The following LEPROTL1 variants were observed in gnomAD, a reference collection of about 807,000 sequenced individuals.
The protein encoded by LEPROTL1 is leptin receptor overlapping transcript-like 1.
Under a neutral mutation model 15.4 loss-of-function variants are expected in LEPROTL1, and 6 were observed. That is an observed-to-expected ratio of 0.39 (90% CI 0.21 to 0.77). The LOEUF is 0.77. Among genes scored for constraint, LEPROTL1 ranks in the 30% least tolerant of loss-of-function variants. The probability of loss-of-function intolerance (pLI) is 0.41; values close to 1 mark genes in which losing one functional copy is unlikely to be tolerated. For synonymous variants in LEPROTL1, 56 were observed against 52.6 expected, an observed-to-expected ratio of 1.06 and a Z score of -0.28; for missense variants, 128 against 158.1, an observed-to-expected ratio of 0.81 and a Z score of 1.02.
At chr8:30,133,788 C>CAA (rs11430475) in intron 4 of LEPROTL1, among the ~76,000 whole-genome samples, 11,514 of 122,488 alleles carry the variant, frequency 0.094, 671 homozygotes, top group East Asian at 0.24. Flanking sequence ...GACCCTGTCT[C>CAA]AAAAAAAAAA....
Position 30,107,233 on chromosome 8 carries a change from A to C in LEPROTL1, c.*1371A>C. ...AGTCCAGCTATATAGCAGCTTCAGA[A>C]ACATACCTGACCAAAAAATTCCCAG... On this transcript the variant is annotated 3_prime_UTR_variant, in exon 4 of 4. Transcript: ENST00000321250. The C allele has an allele frequency of 1.0e-6, 1 of 985,460 alleles. No homozygotes were observed. The highest frequency in any genetic ancestry group is 1.2e-6 in the Non-Finnish European group (1 of 829,936). The allele number at this position is 985,460 out of a possible 1,614,324, so 61.0% of individuals were successfully genotyped here. A position where few individuals can be genotyped will look rare whatever the true frequency, so the allele number is the denominator to read the frequency against.
At chr8:30,132,816 T>A in intron 4 of LEPROTL1, 1 of 1,551,774 alleles carries the variant, frequency 6.4e-7, no homozygotes, top group Non-Finnish European at 8.7e-7. Flanking sequence ...AGCCTCCAGA[T>A]GCTGCCTTCA....
chr8:30,117,728 C>A, intron 3 of LEPROTL1: 1 of 1,126,262 alleles, frequency 8.9e-7, no homozygotes, highest in Non-Finnish European at 1.3e-6. Flanking sequence ...CCTCTCTTTT[C>A]GGCATTGTTG....
chr8:30,123,299 A>G (rs1166429663), intron 3 of LEPROTL1, among the ~76,000 whole-genome samples: 2 of 152,200 alleles, frequency 1.3e-5, no homozygotes, highest in Admixed American at 1.3e-4. Context: ...ATGTCCCCCC[A>G]GGTTCAAGGG....
intron 1 of LEPROTL1, among the ~76,000 whole-genome samples, chr8:30,098,947 C>G (rs771915938): frequency 6.6e-6 from 1 of 152,174 alleles, no homozygotes; most frequent in Non-Finnish European, 1.5e-5. Flanking sequence ...ACACGGGTCT[C>G]TGCCAGGAAT....
intron 3 of LEPROTL1, among the ~76,000 whole-genome samples, chr8:30,114,074 C>T (rs1422364804): frequency 2.0e-5 from 3 of 152,052 alleles, no homozygotes; most frequent in Non-Finnish European, 1.5e-5. Flanking sequence ...TTTGGTTTTC[C>T]TCAGAGGCTC....
At chr8:30,112,512 G>A (rs1028537801), downstream of LEPROTL1, among the ~76,000 whole-genome samples, 16 of 140,662 alleles carry the variant, frequency 1.1e-4, no homozygotes, top group Admixed American at 8.7e-4. Flanking sequence ...TACCCACCTC[G>A]GCCTCCCAGA....
At chr8:30,113,909 C>T (rs1429330390) in intron 3 of LEPROTL1, among the ~76,000 whole-genome samples, 1 of 152,138 alleles carries the variant, frequency 6.6e-6, no homozygotes, top group Non-Finnish European at 1.5e-5. Flanking sequence ...TCCGTTTTTA[C>T]AGTTTTAAGT....
chr8:30,104,545 C>A, intron 3 of LEPROTL1, 59 bp downstream of exon 3: 1 of 1,220,174 alleles, frequency 8.2e-7, no homozygotes, highest in Non-Finnish European at 1.1e-6. Context: ...ACATTTTTCT[C>A]AAGCAAAGTT....
At chr8:30,109,035 C>G (rs1802616611), downstream of LEPROTL1, among the ~76,000 whole-genome samples, 1 of 144,794 alleles carries the variant, frequency 6.9e-6, no homozygotes, top group Non-Finnish European at 1.5e-5. Flanking sequence ...AAACCACCCC[C>G]CCGCCCCGAA....
Position 30,095,409 on chromosome 8 carries a change from C to G in LEPROTL1, c.-104C>G. 1 of 1,172,608 alleles carries G rather than the reference C, an allele frequency of 8.5e-7. No individual in the cohort carries two copies. The highest frequency in any genetic ancestry group is 1.5e-5 in the South Asian group (1 of 64,528). The allele number at this position is 1,172,608 out of a possible 1,614,324, so 72.6% of individuals were successfully genotyped here. ...TCGCCGGCGGAAGTGCTGCGTCGCG[C>G]ACTTCCGGGTGTTGTCTGGCCGCCG... On this transcript the variant is annotated 5_prime_UTR_variant, in exon 1 of 4. Coordinates refer to ENST00000321250, the MANE Select transcript of LEPROTL1 (RefSeq NM_015344.3).
At chr8:30,130,213 A>G (rs1802980733) in intron 3 of LEPROTL1, among the ~76,000 whole-genome samples, 1 of 152,208 alleles carries the variant, frequency 6.6e-6, no homozygotes, top group Non-Finnish European at 1.5e-5. Context: ...GTCACCCTAG[A>G]TAAGCAGATG....
At chr8:30,118,811 A>T (rs1301849690) in intron 3 of LEPROTL1, among the ~76,000 whole-genome samples, 1 of 152,248 alleles carries the variant, frequency 6.6e-6, no homozygotes, top group Non-Finnish European at 1.5e-5. Context: ...TGTGTCACAA[A>T]TAAGTTCAAG....
chr8:30,100,236 G>A (rs1802442883), intron 1 of LEPROTL1, among the ~76,000 whole-genome samples: 2 of 152,124 alleles, frequency 1.3e-5, no homozygotes, highest in African/African-American at 4.8e-5. Flanking sequence ...TATATCAGTA[G>A]TACTTGGCAA....
chr8:30,114,055 G>A (rs989111587), intron 3 of LEPROTL1, among the ~76,000 whole-genome samples: 3 of 152,030 alleles, frequency 2.0e-5, no homozygotes, highest in African/African-American at 7.2e-5. Flanking sequence ...TGAACCCTAG[G>A]GAAAACATTT....
chr8:30,137,207 G>A (rs1803166892), intron 4 of LEPROTL1: 2 of 1,203,206 alleles, frequency 1.7e-6, no homozygotes, highest in Non-Finnish European at 1.2e-6. Context: ...CTCATCTCAG[G>A]GATCTTGCTG....
intron 3 of LEPROTL1, among the ~76,000 whole-genome samples, chr8:30,113,935 C>T (rs1276569671): frequency 6.6e-6 from 1 of 152,160 alleles, no homozygotes; most frequent in African/African-American, 2.4e-5. Flanking sequence ...AGCCACCCAC[C>T]GGCCTAGGGA....
At position 30,129,721 on chromosome 8, in the gene LEPROTL1, A is replaced by T. The variant is rs879685002; in HGVS notation, c.280-2654A>T. On this transcript the variant is annotated intron_variant, in intron 3 of 4. Coordinates refer to the LEPROTL1 transcript ENST00000442880. The stretch of plus-strand genomic sequence containing the variant: ...CAGAGTGAGACCCTGTCACACACAC[A>T]CACACACACACACACACACACACAC... Among the ~76,000 whole-genome samples the T allele has an allele frequency of 9.7e-3, 1,416 of 146,456 alleles. 32 individuals are homozygous for T. The highest frequency in any genetic ancestry group is 0.076 in the East Asian group (372 of 4,896).
intron 3 of LEPROTL1, among the ~76,000 whole-genome samples, chr8:30,115,203 A>G (rs529557968): frequency 6.6e-6 from 1 of 152,156 alleles, no homozygotes; most frequent in South Asian, 2.1e-4. Context: ...TCTCTATAAA[A>G]ATACAAAAAT....
Sources: gnomAD v4.1 joint callset for allele counts (sites outside exome capture counted in the v4.1 genomes callset) on GRCh38, gnomAD v4.1.1 for gene constraint, MANE v1.5 for transcripts, NCBI Gene and HGNC (gene_info 2026-07-23, HGNC 2026-07-21) for gene names.